The following CDCA8 variants were observed in gnomAD, a reference collection of about 807,000 sequenced individuals.
The protein encoded by CDCA8 is borealin.
Under a neutral mutation model 40.0 loss-of-function variants are expected in CDCA8, and 25 were observed. The ratio of observed to expected loss-of-function variants is 0.63; its 90% CI spans 0.46 to 0.87. The LOEUF (loss-of-function observed/expected upper bound fraction) is 0.87, where lower values mean the gene tolerates loss of function less well. Ranked by LOEUF, CDCA8 falls within the 40% of genes least tolerant of loss-of-function variation. CDCA8 has a pLI of 0.00. For missense variants in CDCA8, 280 were observed against 348.4 expected, an observed-to-expected ratio of 0.80 and a Z score of 1.56; for synonymous variants, 111 against 126.5, an observed-to-expected ratio of 0.88 and a Z score of 0.82.
In CDCA8 at chr1:37,700,457, A is replaced by G; in HGVS notation, c.359A>G (p.Asp120Gly). The G allele has an allele frequency of 6.2e-7, 1 of 1,609,214 alleles. No individual in the cohort carries two copies. Among genetic ancestry groups the G allele is most frequent in the Non-Finnish European group, 8.5e-7 (1 of 1,175,604 alleles). Residue 120 changes from aspartate (D) to glycine (G), a missense_variant, in exon 5 of 10, where the codon GAT becomes GGT. Asp to Gly is a moderately conservative substitution (Grantham distance 94). Transcript: ENST00000373055. ...SAKTRKVIQV[D>G]EMIVEEEEEE... ...ACAGCACGAAAGGTAATACAGGTAG[A>G]TGAAATGATAGTGGAAGAGGAAGAA... is the stretch of plus-strand genomic sequence containing the variant.
In CDCA8 at chr1:37,696,705, G is replaced by A. The variant is rs1457973461; in HGVS notation, c.264+755G>A. Among the ~76,000 whole-genome samples, 3 of 152,226 alleles carry A rather than the reference G, an allele frequency of 2.0e-5. No individual in the cohort carries two copies. The highest frequency in any genetic ancestry group is 7.2e-5 in the African/African-American group (3 of 41,460). On this transcript the variant is annotated intron_variant, in intron 3 of 9. Transcript: ENST00000373055. The surrounding 1 kb of genome is among the most constrained non-coding windows in gnomAD (Gnocchi z 5.0). Reference sequence around the variant, plus strand: ...AATGCGTGTGTATGCACGCATTTGTGTATCTTTCTGTTAGTTTATTGTAGC... The same window carrying A: ...AATGCGTGTGTATGCACGCATTTGTATATCTTTCTGTTAGTTTATTGTAGC...
chr1:37,694,825 C>G (rs1645515246), intron 2 of CDCA8, among the ~76,000 whole-genome samples: 1 of 152,206 alleles, frequency 6.6e-6, no homozygotes, highest in African/African-American at 2.4e-5. Flanking sequence ...ATGAGAGTTT[C>G]TAGCAGGAGG....
chr1:37,693,197 AT>A (rs1438261038), intron 2 of CDCA8, among the ~76,000 whole-genome samples, 164 bp downstream of exon 2: 2 of 100,384 alleles, frequency 2.0e-5, no homozygotes, highest in Non-Finnish European at 3.6e-5. Context: ...TCCCTACTTC[AT>A]TTTTCTCTAT....
chr1:37,696,079 A>C lies in CDCA8; in HGVS notation c.264+129A>C, dbSNP rs1229283339. On this transcript the variant is annotated intron_variant, in intron 3 of 9. Coordinates refer to ENST00000373055, the MANE Select transcript of CDCA8 (RefSeq NM_001256875.2). This position sits in a 1 kb window ranked among gnomAD's most constrained non-coding sequence, Gnocchi z 5.0. ...CATCATCTGTTTGTGTCAACTGAAA[A>C]ATTAGAGTTGGACCAGACACTGTAT... 7 of 797,122 alleles carry C rather than the reference A, an allele frequency of 8.8e-6. No homozygotes were observed. Among genetic ancestry groups the C allele is most frequent in the Non-Finnish European group, 1.5e-5 (7 of 477,900 alleles). The allele number at this position is 797,122 out of a possible 1,614,324, so 49.4% of individuals were successfully genotyped here.
chr1:37,708,708 G>A lies in CDCA8; in HGVS notation c.*342G>A, dbSNP rs72659465. The A allele has an allele frequency of 0.011, 3,674 of 333,568 alleles. 53 individuals carry two copies. The highest frequency in any genetic ancestry group is 0.034 in the South Asian group (1,009 of 29,342). The allele number at this position is 333,568 out of a possible 1,614,324, so 20.7% of individuals were successfully genotyped here. A position where few individuals can be genotyped will look rare whatever the true frequency, so the allele number is the denominator to read the frequency against. On this transcript the variant is annotated 3_prime_UTR_variant, in exon 10 of 10. Transcript: ENST00000373055. Reference sequence around the variant, plus strand: ...CTGCCCTGCCTGCAGTTGAGGGGGCGAAGAAGAACCCTGTGTTCTCAGGAA... The same window carrying A: ...CTGCCCTGCCTGCAGTTGAGGGGGCAAAGAAGAACCCTGTGTTCTCAGGAA...
At chr1:37,699,140 A>AT (rs961958653) in intron 4 of CDCA8, among the ~76,000 whole-genome samples, 163 bp downstream of exon 4, 1 of 152,008 alleles carries the variant, frequency 6.6e-6, no homozygotes, top group Admixed American at 6.6e-5. Flanking sequence ...CATTTAGTTA[A>AT]TTTTTTTTCC....
At chr1:37,695,505 A>C (rs1473338301) in intron 2 of CDCA8, among the ~76,000 whole-genome samples, 1 of 151,836 alleles carries the variant, frequency 6.6e-6, no homozygotes, top group Non-Finnish European at 1.5e-5. Context: ...AGGTGGGAGG[A>C]TCAGTTGAGC....
intron 7 of CDCA8, among the ~76,000 whole-genome samples, chr1:37,704,131 C>T (rs1340338460): frequency 1.3e-5 from 2 of 151,856 alleles, no homozygotes; most frequent in Non-Finnish European, 2.9e-5. Context: ...GATGGGATTT[C>T]GCCAGGTTGC....
intron 5 of CDCA8, 119 bp from the exon 6 acceptor site, chr1:37,701,635 A>G (rs1486790877): frequency 3.3e-6 from 2 of 606,272 alleles, no homozygotes; most frequent in Non-Finnish European, 5.8e-6. Flanking sequence ...ACCTTATTAT[A>G]TTTAGTATTA....
chr1:37,693,144 C>T (rs1337137724), intron 2 of CDCA8, 111 bp downstream of exon 2: 9 of 800,094 alleles, frequency 1.1e-5, no homozygotes, highest in Non-Finnish European at 1.3e-5. Context: ...TCTGACATGA[C>T]CACTTATGGA....
chr1:37,699,512 A>T (rs1645548483), intron 4 of CDCA8, among the ~76,000 whole-genome samples: 1 of 152,032 alleles, frequency 6.6e-6, no homozygotes, highest in African/African-American at 2.4e-5. Flanking sequence ...TGTGAGGATT[A>T]CTTGAGCCCA....
intron 4 of CDCA8, 151 bp from the exon 5 acceptor site, chr1:37,700,285 T>G (rs2148288051): frequency 1.9e-6 from 1 of 540,100 alleles, no homozygotes; most frequent in African/African-American, 1.9e-5. Flanking sequence ...TTCCTTTGTC[T>G]AAACCCTCTT....
chr1:37,692,934 G>A lies in CDCA8; in HGVS notation c.124G>A (p.Asp42Asn). 2 of 1,614,148 alleles carry A rather than the reference G, an allele frequency of 1.2e-6. No homozygotes were observed. The highest frequency in any genetic ancestry group is 1.7e-6 in the Non-Finnish European group (2 of 1,180,036). The change falls in exon 2 of 10, where the codon GAC (aspartate) becomes AAC (asparagine). Residue 42 changes from aspartate to asparagine, a missense_variant. Transcript: ENST00000373055. ...AATACGAATCAAGCAAATTGAGTCA[G>A]ACAGGCAGAACCTCCTCAAGGAGGT... ...VEIRIKQIESDRQNLLKEVDN... is the reference protein window; with the variant it reads ...VEIRIKQIESNRQNLLKEVDN...
intron 7 of CDCA8, 70 bp from the exon 8 acceptor site, chr1:37,705,371 T>A (rs1645591218): frequency 6.7e-7 from 1 of 1,482,950 alleles, no homozygotes; most frequent in African/African-American, 1.4e-5. Context: ...CAGAGTAAGG[T>A]TAAAATGGCC....
chr1:37,700,394 T>C (rs778073502), intron 4 of CDCA8, 42 bp from the exon 5 acceptor site: 3 of 1,212,256 alleles, frequency 2.5e-6, no homozygotes, highest in African/African-American at 3.0e-5. Context: ...CAAAACTTTA[T>C]TTTCATCAGA....
Position 37,708,472 on chromosome 1 carries a change from G to A in CDCA8, c.*106G>A. 1 of 1,100,728 alleles carries A rather than the reference G, an allele frequency of 9.1e-7. No individual in the cohort carries two copies. The highest frequency in any genetic ancestry group is 1.5e-5 in the African/African-American group (1 of 64,672). 68.2% of individuals were successfully genotyped at this position (1,100,728 alleles called of 1,614,324 possible). A position where few individuals can be genotyped will look rare whatever the true frequency, so the allele number is the denominator to read the frequency against. ...TGAGTGTGAAGTTCCAGAGCAAGGA[G>A]CCATGTTCCTCTAAGGGAATTCAGG... On this transcript the variant is annotated 3_prime_UTR_variant, in exon 10 of 10. Coordinates refer to ENST00000373055, the MANE Select transcript of CDCA8 (RefSeq NM_001256875.2).
intron 6 of CDCA8, 152 bp downstream of exon 6, chr1:37,701,970 G>T (rs1645567908): frequency 1.7e-6 from 1 of 598,816 alleles, no homozygotes; most frequent in African/African-American, 1.9e-5. Flanking sequence ...AGCTGGAGGG[G>T]TCTCTAGAAA....
rs145236103 is a variant in CDCA8, at chr1:37,700,458, T to C, written c.360T>C (p.Asp120=). 1 of 1,609,418 alleles carries C rather than the reference T, an allele frequency of 6.2e-7. No homozygotes were observed. The highest frequency in any genetic ancestry group is 1.3e-5 in the African/African-American group (1 of 74,912). ...SAKTRKVIQV[D]EMIVEEEEEE... is the part of the protein sequence containing the mutation. Reference sequence around the variant, plus strand: ...CAGCACGAAAGGTAATACAGGTAGATGAAATGATAGTGGAAGAGGAAGAAG... The same window carrying C: ...CAGCACGAAAGGTAATACAGGTAGACGAAATGATAGTGGAAGAGGAAGAAG... Residue 120 remains aspartate (D), a synonymous_variant, in exon 5 of 10, where the codon GAT becomes GAC. Coordinates refer to ENST00000373055, the MANE Select transcript of CDCA8 (RefSeq NM_001256875.2).
At chr1:37,701,857 T>G in intron 6 of CDCA8, 39 bp downstream of exon 6, 1 of 1,483,364 alleles carries the variant, frequency 6.7e-7, no homozygotes, top group Non-Finnish European at 9.4e-7. Flanking sequence ...TTGGGTTTTA[T>G]TGGAGAGCCA....
Sources: gnomAD v4.1 joint callset for allele counts (sites outside exome capture counted in the v4.1 genomes callset) on GRCh38, gnomAD v4.1.1 for gene constraint, Gnocchi (gnomAD v3.1) non-coding constraint, MANE v1.5 for transcripts, NCBI Gene and HGNC (gene_info 2026-07-23, HGNC 2026-07-21) for gene names.